Variants in ZNF423 observed in about 807,000 individuals in gnomAD.
ZNF423 encodes Ebf-associated zinc finger protein.
In ZNF423, 12 loss-of-function variants were observed where a neutral mutation model predicts 95.8. The ratio of observed to expected loss-of-function variants is 0.13; its 90% CI spans 0.08 to 0.20. ZNF423 has a LOEUF of 0.20. Ranked by LOEUF, ZNF423 falls within the 10% of genes least tolerant of loss-of-function variation. The pLI, the probability that ZNF423 is intolerant of heterozygous loss-of-function variation, is 1.00. For missense variants in ZNF423, 1,316 were observed against 1,737.1 expected (o/e 0.76, Z 4.31); for synonymous variants, 749 against 711.9 (o/e 1.05, Z -0.83).
intron 2 of ZNF423, among the ~76,000 whole-genome samples, chr16:49,734,911 C>CAGGTG (rs1316534530): frequency 6.6e-6 from 1 of 152,146 alleles, no homozygotes; most frequent in African/African-American, 2.4e-5. Context: ...CCCCATTTTA[C>CAGGTG]AGGTGAGGAA....
At chr16:49,734,011 G>A (rs781724317) in intron 2 of ZNF423, among the ~76,000 whole-genome samples, 2 of 152,222 alleles carry the variant, frequency 1.3e-5, no homozygotes, top group Non-Finnish European at 2.9e-5. Flanking sequence ...GAATCTACAC[G>A]TTCACGTGTT....
chr16:49,556,898 T>C (rs1969846128), intron 5 of ZNF423, among the ~76,000 whole-genome samples: 1 of 152,226 alleles, frequency 6.6e-6, no homozygotes. Flanking sequence ...CACGGGGATC[T>C]AGCCCAGGCA....
chr16:49,498,853 A>C (rs1245917133), intron 7 of ZNF423, among the ~76,000 whole-genome samples: 2 of 152,192 alleles, frequency 1.3e-5, no homozygotes, highest in Admixed American at 1.3e-4. Flanking sequence ...GCCTGTCTTA[A>C]AGGCTCATAT....
chr16:49,559,309 A>G (rs1969942163), intron 5 of ZNF423, among the ~76,000 whole-genome samples: 2 of 152,242 alleles, frequency 1.3e-5, no homozygotes, highest in Admixed American at 6.5e-5. Context: ...AGGGTACAGT[A>G]CGGGAAATAA....
At chr16:49,838,162 T>C (rs1455835412) in intron 1 of ZNF423, among the ~76,000 whole-genome samples, 3 of 152,236 alleles carry the variant, frequency 2.0e-5, no homozygotes, top group Non-Finnish European at 2.9e-5. Context: ...TGTAATTTAC[T>C]GGATACGTGC....
chr16:49,590,051 T>TATATATATATATATATATATATATATATA (rs879296139), intron 5 of ZNF423, among the ~76,000 whole-genome samples: 46 of 134,016 alleles, frequency 3.4e-4, no homozygotes, highest in South Asian at 5.8e-4. Flanking sequence ...TATATATATA[T>TATATATATATATATATATATATATATATA]TTGGTCCATA....
chr16:49,745,729 C>T (rs913608657), intron 2 of ZNF423, among the ~76,000 whole-genome samples: 1 of 152,188 alleles, frequency 6.6e-6, no homozygotes, highest in Admixed American at 6.5e-5. Context: ...TAAATGCTAA[C>T]TCGTGTCACC....
intron 3 of ZNF423, among the ~76,000 whole-genome samples, chr16:49,640,023 C>T (rs927125344): frequency 3.9e-5 from 6 of 152,124 alleles, no homozygotes; most frequent in African/African-American, 7.2e-5. Context: ...TGAAACAGAC[C>T]GCAGGCTGCT....
chr16:49,677,315 G>GGGAAGGGAAGGGAAGGGAA (rs1567284187), intron 3 of ZNF423, among the ~76,000 whole-genome samples: 1 of 17,646 alleles, frequency 5.7e-5, no homozygotes, highest in Non-Finnish European at 1.3e-4. Context: ...AGAGAAAGGA[G>GGGAAGGGAAGGGAAGGGAA]GGGAAGGGAG....
intron 1 of ZNF423, among the ~76,000 whole-genome samples, chr16:49,834,654 G>A (rs947893974): frequency 2.0e-5 from 3 of 152,198 alleles, no homozygotes; most frequent in South Asian, 2.1e-4. Context: ...CCAGGGGCCC[G>A]GGCAGGGGCA....
intron 5 of ZNF423, among the ~76,000 whole-genome samples, chr16:49,577,883 C>T (rs1302573946): frequency 2.0e-5 from 3 of 152,240 alleles, no homozygotes; most frequent in African/African-American, 4.8e-5. Flanking sequence ...CGGCTCCCAG[C>T]CACCCTGGAC....
At chr16:49,690,608 C>A (rs2031740891) in intron 3 of ZNF423, among the ~76,000 whole-genome samples, 1 of 152,172 alleles carries the variant, frequency 6.6e-6, no homozygotes, top group Admixed American at 6.5e-5. Context: ...GAGCTTCCAC[C>A]CCTATTAATA....
intron 2 of ZNF423, among the ~76,000 whole-genome samples, chr16:49,767,110 T>C (rs1378527938): frequency 6.6e-6 from 1 of 152,078 alleles, no homozygotes; most frequent in Non-Finnish European, 1.5e-5. Flanking sequence ...GTGCCACTCG[T>C]GCACAGATAA....
At chr16:49,547,351 G>A (rs1239632282) in intron 5 of ZNF423, among the ~76,000 whole-genome samples, 3 of 152,168 alleles carry the variant, frequency 2.0e-5, no homozygotes, top group African/African-American at 7.2e-5. Flanking sequence ...GGGCCACGAT[G>A]CGTGATCCTC....
At chr16:49,801,301 CTTTTA>C (rs2034579500) in intron 1 of ZNF423, among the ~76,000 whole-genome samples, 1 of 152,206 alleles carries the variant, frequency 6.6e-6, no homozygotes, top group African/African-American at 2.4e-5. Context: ...GCACTGGAGG[CTTTTA>C]CAGATGTTTC....
At chr16:49,803,364 C>T (rs1455449723) in intron 1 of ZNF423, among the ~76,000 whole-genome samples, 1 of 152,158 alleles carries the variant, frequency 6.6e-6, no homozygotes, top group African/African-American at 2.4e-5. Context: ...TGCTGGATAG[C>T]CAGGCTATTT....
At chr16:49,730,730 G>C in intron 3 of ZNF423, 41 bp downstream of exon 3, 2 of 1,607,264 alleles carry the variant, frequency 1.2e-6, no homozygotes, top group Non-Finnish European at 1.7e-6. Flanking sequence ...CCAATTACCC[G>C]TGTAACCACC....
intron 4 of ZNF423, among the ~76,000 whole-genome samples, chr16:49,632,311 C>T (rs1972531754): frequency 6.6e-6 from 1 of 152,192 alleles, no homozygotes; most frequent in Non-Finnish European, 1.5e-5. Flanking sequence ...TGCCAGCCCC[C>T]AAGCCCCTGT....
chr16:49,541,357 A>G (rs941665211), intron 5 of ZNF423, among the ~76,000 whole-genome samples: 1 of 152,142 alleles, frequency 6.6e-6, no homozygotes, highest in Admixed American at 6.5e-5. Context: ...CAGACTAACA[A>G]TCTCCCACTT....
Sources: gnomAD v4.1 joint callset for allele counts (sites outside exome capture counted in the v4.1 genomes callset) on GRCh38, gnomAD v4.1.1 for gene constraint, MANE v1.5 for transcripts, NCBI Gene and HGNC (gene_info 2026-07-23, HGNC 2026-07-21) for gene names.